TBXAS1: variants seen among roughly 807,000 people sequenced by gnomAD.
The protein encoded by TBXAS1 is thromboxane-A synthase.
In TBXAS1, 48 loss-of-function variants were observed where a neutral mutation model predicts 60.7. The observed-to-expected ratio is 0.79, with a 90% CI of 0.63 to 1.01. The LOEUF (loss-of-function observed/expected upper bound fraction) is 1.01, where lower values mean the gene tolerates loss of function less well. TBXAS1 is among the 50% of genes least tolerant of loss of function. The pLI is 0.00. For synonymous variants in TBXAS1, 287 were observed against 269.7 expected (o/e 1.06, Z -0.63); for missense variants, 685 against 686.3 (o/e 1.00, Z 0.02).
intron 3 of TBXAS1, among the ~76,000 whole-genome samples, chr7:139,881,271 G>A (rs960661437): frequency 3.9e-5 from 6 of 151,998 alleles, no homozygotes; most frequent in African/African-American, 1.5e-4. Flanking sequence ...TTTTTGTGTT[G>A]TTGACTTTAA....
At chr7:139,874,666 A>T (rs1802084334) in intron 2 of TBXAS1, among the ~76,000 whole-genome samples, 1 of 151,934 alleles carries the variant, frequency 6.6e-6, no homozygotes, top group Non-Finnish European at 1.5e-5. Context: ...CATTCTCACA[A>T]CACAAATCTA....
chr7:139,848,114 C>T (rs866014414), intron 1 of TBXAS1, among the ~76,000 whole-genome samples: 3 of 151,380 alleles, frequency 2.0e-5, no homozygotes, highest in Non-Finnish European at 4.4e-5. Context: ...TGCAACCATC[C>T]CTGGCTAATT....
rs764889840 is a variant in TBXAS1 at position 139,957,965 on chromosome 7, G to A, written c.819+201G>A. The stretch of plus-strand genomic sequence containing the variant: ...TCAGACAAGAAAGGGAGGGTGGGAC[G>A]GCAGAGAGAAGCCTACAGCAATGTG... On this transcript the variant is annotated intron_variant, in intron 8 of 12. Transcript: ENST00000448866. Among the ~76,000 whole-genome samples the A allele has an allele frequency of 7.2e-5, 11 of 152,218 alleles. No homozygotes were observed. In the South Asian group the frequency reaches 1.7e-3, roughly 23 times the overall value.
chr7:139,954,011 T>C (rs952718595), intron 6 of TBXAS1, among the ~76,000 whole-genome samples: 1 of 152,226 alleles, frequency 6.6e-6, no homozygotes, highest in African/African-American at 2.4e-5. Context: ...GTGAGTTTTT[T>C]TGCAGTTTTT....
intron 3 of TBXAS1, among the ~76,000 whole-genome samples, chr7:139,886,792 A>G (rs962559643): frequency 6.6e-6 from 1 of 152,138 alleles, no homozygotes; most frequent in Non-Finnish European, 1.5e-5. Context: ...GCCAGACCAC[A>G]GCTTGAGACT....
intron 4 of TBXAS1, among the ~76,000 whole-genome samples, chr7:139,822,139 G>A (rs1236118869): frequency 2.6e-5 from 4 of 152,164 alleles, no homozygotes; most frequent in African/African-American, 9.7e-5. Flanking sequence ...GATTGTCTAA[G>A]CTAGAGTATG....
intron 9 of TBXAS1, among the ~76,000 whole-genome samples, chr7:140,002,642 G>A (rs1273969411): frequency 6.6e-6 from 1 of 152,162 alleles, no homozygotes; most frequent in Admixed American, 6.5e-5. Flanking sequence ...TGCCTCATCC[G>A]TTCATTCCTC....
intron 9 of TBXAS1, among the ~76,000 whole-genome samples, chr7:139,976,158 C>T (rs1021585445): frequency 2.0e-5 from 3 of 152,222 alleles, no homozygotes; most frequent in Non-Finnish European, 4.4e-5. Context: ...CCCGGCCTCC[C>T]CTCTGCTCAT....
At chr7:140,011,852 C>A in intron 10 of TBXAS1, among the ~76,000 whole-genome samples, 1 of 143,692 alleles carries the variant, frequency 7.0e-6, no homozygotes, top group South Asian at 2.2e-4. Context: ...ATATATATAT[C>A]CACAATGAAA....
chr7:139,925,414 T>C (rs918107583), intron 4 of TBXAS1, among the ~76,000 whole-genome samples: 1 of 152,192 alleles, frequency 6.6e-6, no homozygotes, highest in African/African-American at 2.4e-5. Context: ...CTATTGTAAA[T>C]GGGATTGCTT....
chr7:139,806,083 C>T (rs570254370), intron 4 of TBXAS1, among the ~76,000 whole-genome samples: 3 of 150,792 alleles, frequency 2.0e-5, no homozygotes, highest in South Asian at 2.1e-4. Context: ...TACAGGCGCC[C>T]GCCACCACGC....
At chr7:139,988,205 G>A (rs4726499) in intron 9 of TBXAS1, among the ~76,000 whole-genome samples, 125,001 of 152,240 alleles carry the variant, frequency 0.82, 51,659 homozygotes, top group East Asian at 0.99. Context: ...GGGGAATTCC[G>A]CAAAAATCTA....
At chr7:139,994,343 G>T (rs1027873421) in intron 9 of TBXAS1, among the ~76,000 whole-genome samples, 1 of 152,192 alleles carries the variant, frequency 6.6e-6, no homozygotes, top group African/African-American at 2.4e-5. Flanking sequence ...GTGCCCAGCT[G>T]CTCTTCCCTT....
At chr7:139,833,678 CTT>C (rs1798867523) in intron 1 of TBXAS1, among the ~76,000 whole-genome samples, 1 of 150,534 alleles carries the variant, frequency 6.6e-6, no homozygotes, top group African/African-American at 2.4e-5. Flanking sequence ...CAGCAAGACT[CTT>C]TCTCAAAAAA....
chr7:139,872,757 C>T (rs1017171892), intron 2 of TBXAS1, among the ~76,000 whole-genome samples: 5 of 152,210 alleles, frequency 3.3e-5, no homozygotes, highest in African/African-American at 1.2e-4. Context: ...ACACCTTGAG[C>T]AGTAAAGGTG....
chr7:139,892,166 T>G (rs1441696568), intron 3 of TBXAS1, among the ~76,000 whole-genome samples: 1 of 152,132 alleles, frequency 6.6e-6, no homozygotes, highest in Non-Finnish European at 1.5e-5. Context: ...TCCCATAACC[T>G]CATTCTTAGG....
intron 9 of TBXAS1, among the ~76,000 whole-genome samples, chr7:139,965,100 C>T (rs144889025): frequency 0.013 from 1,940 of 152,298 alleles, 28 homozygotes; most frequent in Middle Eastern, 0.041. Context: ...TGCCTGTAAT[C>T]CCAGCTACTC....
chr7:140,010,635 C>CTGGTTTCAG (rs1185903749), intron 10 of TBXAS1, among the ~76,000 whole-genome samples: 1 of 152,234 alleles, frequency 6.6e-6, no homozygotes, highest in Non-Finnish European at 1.5e-5. Flanking sequence ...GCTGCCTGCC[C>CTGGTTTCAG]TGGTTTCAGT....
intron 10 of TBXAS1, among the ~76,000 whole-genome samples, chr7:140,008,652 T>C (rs1339180291): frequency 6.6e-6 from 1 of 152,132 alleles, no homozygotes; most frequent in Non-Finnish European, 1.5e-5. Flanking sequence ...TTTCACCACG[T>C]TGGCCAGGCT....
Sources: gnomAD v4.1 joint callset for allele counts (sites outside exome capture counted in the v4.1 genomes callset) on GRCh38, gnomAD v4.1.1 for gene constraint, MANE v1.5 for transcripts, NCBI Gene and HGNC (gene_info 2026-07-23, HGNC 2026-07-21) for gene names.